The following SYNE3 variants were observed in gnomAD, a reference collection of about 807,000 sequenced individuals.
SYNE3 encodes spectrin repeat containing nuclear envelope family member 3.
A neutral mutation model predicts 111.2 loss-of-function variants in SYNE3; 100 were observed. That is an observed-to-expected ratio of 0.90 (90% CI 0.77 to 1.06). The LOEUF is 1.06. Ranked by LOEUF, SYNE3 falls within the 50% of genes least tolerant of loss-of-function variation. The probability of loss-of-function intolerance (pLI) is 0.00; values close to 1 mark genes in which losing one functional copy is unlikely to be tolerated. For missense variants in SYNE3, 1,160 were observed against 1,240.3 expected (o/e 0.94, Z 0.97); for synonymous variants, 547 against 533.9 (o/e 1.02, Z -0.34).
chr14:95,446,052 T>G lies in SYNE3; in HGVS notation c.1489A>C (p.Thr497Pro). ...AGGTCTTTCTTCAGCTGCAGCATCG[T>G]CAGCAGCTCTTTCAGGCGGGAGCTT... ...MESSRLKELL[T>P]MLQLKKDLLI... Residue 497 changes from threonine to proline, a missense_variant, in exon 9 of 18, where the codon ACG (threonine) becomes CCG (proline). Transcript: ENST00000682763. 6.2e-7 allele frequency: 1 copy of G among 1,614,112 alleles called. No homozygotes were observed. The highest frequency in any genetic ancestry group is 8.5e-7 in the Non-Finnish European group (1 of 1,180,034).
intron 17 of SYNE3, among the ~76,000 whole-genome samples, chr14:95,428,292 T>C (rs979202960): frequency 6.6e-6 from 1 of 152,032 alleles, no homozygotes; most frequent in Non-Finnish European, 1.5e-5. Context: ...GAAACCCAAA[T>C]AGAACACAAC....
intron 1 of SYNE3, among the ~76,000 whole-genome samples, chr14:95,513,768 TA>T (rs1490059380): frequency 2.2e-5 from 3 of 139,026 alleles, no homozygotes; most frequent in Non-Finnish European, 4.7e-5. Context: ...TATATATATA[TA>T]TATTCAGAAT....
intron 17 of SYNE3, among the ~76,000 whole-genome samples, chr14:95,420,575 G>A (rs1566953622): frequency 6.6e-6 from 1 of 152,154 alleles, no homozygotes; most frequent in Non-Finnish European, 1.5e-5. Context: ...GACAAGGGAT[G>A]GTCTTCTCAA....
intron 2 of SYNE3, among the ~76,000 whole-genome samples, chr14:95,469,963 A>G (rs1055827718): frequency 5.8e-4 from 88 of 152,110 alleles, no homozygotes; most frequent in African/African-American, 2.0e-3. Context: ...GAGGCAAACA[A>G]GCTCCTTCCA....
chr14:95,486,453 C>A (rs144119376), intron 1 of SYNE3, among the ~76,000 whole-genome samples: 252 of 152,198 alleles, frequency 1.7e-3, no homozygotes, highest in African/African-American at 5.9e-3. Context: ...CCTTCTCAGG[C>A]AGGGGTCTTC....
Position 95,436,998 on chromosome 14 carries a change from G to C in SYNE3, c.2377-17C>G. On this transcript the variant is annotated splice_polypyrimidine_tract_variant and intron_variant, in intron 14 of 17. Transcript: ENST00000682763. ...AAGATTTGCCTGTAGGATCACACACGGCCAAAGCGTCAGAGGTGAAAGAGC... is the reference window on the plus strand; with the variant it reads ...AAGATTTGCCTGTAGGATCACACACCGCCAAAGCGTCAGAGGTGAAAGAGC... 6.2e-7 allele frequency: 1 copy of C among 1,613,950 alleles called. No homozygotes were observed. The highest frequency in any genetic ancestry group is 8.5e-7 in the Non-Finnish European group (1 of 1,179,982).
intron 1 of SYNE3, among the ~76,000 whole-genome samples, chr14:95,478,394 G>A (rs983370396): frequency 1.3e-5 from 2 of 152,166 alleles, no homozygotes; most frequent in Non-Finnish European, 2.9e-5. Context: ...TGAGGTTGTG[G>A]GTTGAGAGGG....
intron 1 of SYNE3, among the ~76,000 whole-genome samples, chr14:95,506,336 G>A (rs544682309): frequency 6.6e-6 from 1 of 152,206 alleles, no homozygotes; most frequent in Non-Finnish European, 1.5e-5. Context: ...AAATCACATT[G>A]GCCAGTTGCA....
At position 95,465,857 on chromosome 14, in the gene SYNE3, G is replaced by A. The variant is rs111799868; in HGVS notation, c.627+74C>T. Reference sequence around the variant, plus strand: ...AATAGCTTGATAGTAGGCAAACAGTGGCTGGAATGGGTAGATAAGGGTGGA... The same window carrying A: ...AATAGCTTGATAGTAGGCAAACAGTAGCTGGAATGGGTAGATAAGGGTGGA... On this transcript the variant is annotated intron_variant, in intron 4 of 17. Coordinates refer to ENST00000682763, the MANE Select transcript of SYNE3 (RefSeq NM_152592.6). The A allele has an allele frequency of 2.6e-3, 3,710 of 1,449,470 alleles. 82 individuals carry two copies. In the African/African-American group the frequency reaches 0.046, roughly 18 times the overall value. 89.8% of individuals were successfully genotyped at this position (1,449,470 alleles called of 1,614,324 possible).
chr14:95,485,803 C>T lies in SYNE3; in HGVS notation c.-14-9968G>A, dbSNP rs936040759. Among the ~76,000 whole-genome samples the T allele has an allele frequency of 6.6e-6, 1 of 152,176 alleles. No individual in the cohort carries two copies. Among genetic ancestry groups the T allele is most frequent in the Non-Finnish European group, 1.5e-5 (1 of 68,020 alleles). On this transcript the variant is annotated intron_variant, in intron 1 of 17. Transcript: ENST00000682763. The surrounding 1 kb of genome is among the most constrained non-coding windows in gnomAD (Gnocchi z 4.3). Reference sequence around the variant, plus strand: ...CTGGATCCCACTGGACTATAAATATCTGTCCCCTCATCTCTCCTGCTCCTC... The same window carrying T: ...CTGGATCCCACTGGACTATAAATATTTGTCCCCTCATCTCTCCTGCTCCTC...
intron 6 of SYNE3, 76 bp downstream of exon 6, chr14:95,455,299 TCA>T (rs1887344314): frequency 8.3e-7 from 1 of 1,203,184 alleles, no homozygotes; most frequent in East Asian, 2.6e-5. Flanking sequence ...CGATTCTCCA[TCA>T]CAGAGGAGGT....
chr14:95,452,384 C>A lies in SYNE3; in HGVS notation c.1138-1G>T, dbSNP rs1352233195. The A allele has an allele frequency of 6.2e-7, 1 of 1,607,104 alleles. No homozygotes were observed. Among genetic ancestry groups the A allele is most frequent in the Non-Finnish European group, 8.5e-7 (1 of 1,177,358 alleles). ...CCGAGGCCAGCGCCGCCCGTGTTGCCTGCAGCACATGACGACACCGCAGCG... is the reference window on the plus strand; with the variant it reads ...CCGAGGCCAGCGCCGCCCGTGTTGCATGCAGCACATGACGACACCGCAGCG... On this transcript the variant is annotated splice_acceptor_variant, in intron 6 of 17. Transcript: ENST00000682763. LOFTEE classifies it high-confidence loss of function.
At chr14:95,487,681 T>C (rs1158106771) in intron 1 of SYNE3, among the ~76,000 whole-genome samples, 1 of 152,190 alleles carries the variant, frequency 6.6e-6, no homozygotes, top group Non-Finnish European at 1.5e-5. Flanking sequence ...TTAAGCTCCC[T>C]GGCTGGTTTT....
intron 3 of SYNE3, 52 bp from the exon 4 acceptor site, chr14:95,466,292 G>T: frequency 6.6e-7 from 1 of 1,516,498 alleles, no homozygotes; most frequent in Admixed American, 1.9e-5. Context: ...CCTGCCTCCT[G>T]GGTCGGGGGT....
At chr14:95,433,218 C>G (rs763588071) in intron 16 of SYNE3, 42 bp downstream of exon 16, 6 of 1,603,304 alleles carry the variant, frequency 3.7e-6, no homozygotes, top group Non-Finnish European at 5.1e-6. Flanking sequence ...CAGCTATAGT[C>G]CTGTCCCTGG....
chr14:95,460,994 G>C (rs149177644), intron 4 of SYNE3, among the ~76,000 whole-genome samples: 20 of 152,284 alleles, frequency 1.3e-4, no homozygotes, highest in Non-Finnish European at 2.5e-4. Context: ...AGAGGACCTC[G>C]GCAGGAGGGG....
At chr14:95,469,513 A>T (rs1455510262) in intron 2 of SYNE3, among the ~76,000 whole-genome samples, 16 of 147,126 alleles carry the variant, frequency 1.1e-4, no homozygotes, top group Non-Finnish European at 1.5e-5. Flanking sequence ...TGGACAACAC[A>T]GTGAGACCAT....
intron 7 of SYNE3, 147 bp downstream of exon 7, chr14:95,452,100 G>A: frequency 1.0e-6 from 1 of 994,648 alleles, no homozygotes. Context: ...AGCCAAGTGA[G>A]AACCTCTAAA....
At chr14:95,431,373 T>C (rs1885752058) in intron 17 of SYNE3, among the ~76,000 whole-genome samples, 1 of 152,146 alleles carries the variant, frequency 6.6e-6, no homozygotes, top group Non-Finnish European at 1.5e-5. Flanking sequence ...GCGCTGAAAG[T>C]TGAGATTATA....
Sources: allele counts gnomAD v4.1 joint callset (sites outside exome capture counted in the v4.1 genomes callset), GRCh38; gene constraint gnomAD v4.1.1; non-coding constraint Gnocchi (gnomAD v3.1); transcripts MANE v1.5; gene names NCBI Gene and HGNC (gene_info 2026-07-23, HGNC 2026-07-21).